Variants in EPB41L5 observed in about 807,000 individuals in gnomAD.
EPB41L5 encodes erythrocyte membrane protein band 4.1 like 5, also known as band 4.1-like protein 5.
Under a neutral mutation model 106.6 loss-of-function variants are expected in EPB41L5, and 55 were observed. That is an observed-to-expected ratio of 0.52 (90% CI 0.42 to 0.65). The LOEUF (loss-of-function observed/expected upper bound fraction) is 0.65, where lower values mean the gene tolerates loss of function less well. Among genes scored for constraint, EPB41L5 ranks in the 30% least tolerant of loss-of-function variants. EPB41L5 has a pLI of 0.00. For synonymous variants in EPB41L5, 297 were observed against 306.7 expected (o/e 0.97, Z 0.33); for missense variants, 871 against 882.1 (o/e 0.99, Z 0.16).
At chr2:120,138,554 G>GA (rs1264101219) in intron 18 of EPB41L5, among the ~76,000 whole-genome samples, 2 of 151,582 alleles carry the variant, frequency 1.3e-5, no homozygotes, top group Non-Finnish European at 1.5e-5. Flanking sequence ...ACAAACTGAA[G>GA]AAAAAATCAG....
chr2:120,036,159 A>G (rs1273243073), intron 2 of EPB41L5, among the ~76,000 whole-genome samples: 1 of 152,178 alleles, frequency 6.6e-6, no homozygotes, highest in Non-Finnish European at 1.5e-5. Context: ...TCTCACCTCT[A>G]AAAATCCTTA....
chr2:120,089,336 C>T lies in EPB41L5; in HGVS notation c.874-1011C>T, dbSNP rs141783456. Among the ~76,000 whole-genome samples the T allele has an allele frequency of 8.7e-3, 1,316 of 151,978 alleles. 12 individuals carry two copies. The highest frequency in any genetic ancestry group is 0.026 in the South Asian group (126 of 4,804). ...AAAGTCTAACCCCCTGACTACCTAC[C>T]CCCTTTCTTCTGGTACCTGGTCACC... On this transcript the variant is annotated intron_variant, in intron 11 of 24. Coordinates refer to ENST00000263713, the MANE Select transcript of EPB41L5 (RefSeq NM_020909.4).
intron 14 of EPB41L5, among the ~76,000 whole-genome samples, chr2:120,098,373 T>A (rs1251832241): frequency 1.3e-5 from 2 of 151,718 alleles, no homozygotes; most frequent in African/African-American, 2.4e-5. Flanking sequence ...CCCTCACACG[T>A]AGCTATTTTT....
intron 20 of EPB41L5, among the ~76,000 whole-genome samples, chr2:120,148,786 T>C (rs1474200242): frequency 6.6e-6 from 1 of 152,216 alleles, no homozygotes; most frequent in Non-Finnish European, 1.5e-5. Flanking sequence ...GTTTCCACTC[T>C]TTAGCTATTG....
At chr2:120,115,341 C>T (rs967953783) in intron 16 of EPB41L5, among the ~76,000 whole-genome samples, 4 of 152,096 alleles carry the variant, frequency 2.6e-5, no homozygotes, top group African/African-American at 9.7e-5. Context: ...TCCATTACTG[C>T]CTTTTGTGTT....
intron 3 of EPB41L5, among the ~76,000 whole-genome samples, chr2:120,045,448 A>C (rs924799103): frequency 1.3e-5 from 2 of 152,224 alleles, no homozygotes; most frequent in Non-Finnish European, 2.9e-5. Context: ...AGAGAGTTAT[A>C]GTGAAGATGT....
chr2:120,148,698 C>T (rs1686522893), intron 20 of EPB41L5, among the ~76,000 whole-genome samples: 1 of 152,018 alleles, frequency 6.6e-6, no homozygotes, highest in Admixed American at 6.6e-5. Flanking sequence ...TTTGTCCCTC[C>T]TTATGGCTAA....
At chr2:120,063,109 G>GT (rs2105288355) in intron 3 of EPB41L5, among the ~76,000 whole-genome samples, 1 of 152,112 alleles carries the variant, frequency 6.6e-6, no homozygotes, top group African/African-American at 2.4e-5. Context: ...GAAGGCTGAG[G>GT]TGGGCAGATC....
intron 14 of EPB41L5, among the ~76,000 whole-genome samples, chr2:120,095,653 T>G (rs981325663): frequency 2.0e-4 from 30 of 152,008 alleles, no homozygotes; most frequent in African/African-American, 6.5e-4. Flanking sequence ...GATGGCTCCA[T>G]TAATTAAATT....
At chr2:120,027,892 G>A (rs538494331) in intron 2 of EPB41L5, among the ~76,000 whole-genome samples, 1 of 151,860 alleles carries the variant, frequency 6.6e-6, no homozygotes, top group Admixed American at 6.6e-5. Flanking sequence ...TGGAGATGGA[G>A]TTTCACTCTT....
At position 120,073,078 on chromosome 2, in the gene EPB41L5, G is replaced by A. The variant is rs543725384; in HGVS notation, c.286-100G>A. ...TTTCTCTTGTGAAGTATTTCCTTGC[G>A]GTTATCAGTGTAGGCACAATGAAAA... On this transcript the variant is annotated intron_variant, in intron 3 of 24. Coordinates refer to ENST00000263713, the MANE Select transcript of EPB41L5 (RefSeq NM_020909.4). The A allele has an allele frequency of 5.1e-5, 51 of 991,452 alleles. 1 individual carries two copies. The highest frequency in any genetic ancestry group is 6.4e-5 in the Non-Finnish European group (42 of 655,700). The allele number at this position is 991,452 out of a possible 1,614,324, so 61.4% of individuals were successfully genotyped here.
At chr2:120,073,119 TC>T in intron 3 of EPB41L5, 58 bp from the exon 4 acceptor site, 1 of 1,451,008 alleles carries the variant, frequency 6.9e-7, no homozygotes, top group South Asian at 1.2e-5. Flanking sequence ...TTTTAGTAAT[TC>T]ATTCAAATTT....
intron 24 of EPB41L5, among the ~76,000 whole-genome samples, chr2:120,171,447 G>A (rs1030320376): frequency 7.2e-5 from 11 of 152,158 alleles, no homozygotes; most frequent in Admixed American, 3.3e-4. Context: ...GTTTTCCCTC[G>A]GGAGGAGCCA....
intron 3 of EPB41L5, among the ~76,000 whole-genome samples, chr2:120,056,041 T>A (rs1680626353): frequency 6.6e-6 from 1 of 152,134 alleles, no homozygotes; most frequent in Admixed American, 6.5e-5. Flanking sequence ...AAATGTTCAG[T>A]CTTCTACCAT....
chr2:120,027,134 G>C (rs1048023826), intron 2 of EPB41L5, among the ~76,000 whole-genome samples: 1 of 152,176 alleles, frequency 6.6e-6, no homozygotes, highest in African/African-American at 2.4e-5. Flanking sequence ...AGCTGCTTTG[G>C]ATAATAGTGG....
At chr2:120,075,577 T>G (rs1431084893) in intron 6 of EPB41L5, 57 bp downstream of exon 6, 2 of 1,441,368 alleles carry the variant, frequency 1.4e-6, no homozygotes, top group East Asian at 4.5e-5. Context: ...TGAAAAATTA[T>G]TTTGAAAATA....
intron 3 of EPB41L5, among the ~76,000 whole-genome samples, chr2:120,057,838 G>C (rs77106676): frequency 0.022 from 3,320 of 151,902 alleles, 118 homozygotes; most frequent in African/African-American, 0.075. Flanking sequence ...TGACAATTTT[G>C]GGTAGTTTCT....
intron 7 of EPB41L5, among the ~76,000 whole-genome samples, chr2:120,076,568 G>A (rs553510979): frequency 7.2e-6 from 1 of 138,194 alleles, no homozygotes; most frequent in East Asian, 2.2e-4. Context: ...CCAAAGTACT[G>A]TGACTATAAG....
intron 3 of EPB41L5, among the ~76,000 whole-genome samples, chr2:120,053,214 A>G (rs1399231737): frequency 1.3e-5 from 2 of 152,226 alleles, no homozygotes; most frequent in Non-Finnish European, 2.9e-5. Flanking sequence ...GTTGTATTGA[A>G]GAGTTATTAC....
Sources: gnomAD v4.1 joint callset for allele counts (sites outside exome capture counted in the v4.1 genomes callset) on GRCh38, gnomAD v4.1.1 for gene constraint, MANE v1.5 for transcripts, NCBI Gene and HGNC (gene_info 2026-07-23, HGNC 2026-07-21) for gene names.